FER1L6: variants seen among roughly 807,000 people sequenced by gnomAD.
The protein encoded by FER1L6 is fer-1-like protein 6.
A neutral mutation model predicts 219.2 loss-of-function variants in FER1L6; 177 were observed. The ratio of observed to expected loss-of-function variants is 0.81; its 90% CI spans 0.71 to 0.91. FER1L6 has a LOEUF of 0.91. Among genes scored for constraint, FER1L6 ranks in the 40% least tolerant of loss-of-function variants. FER1L6 has a pLI of 0.00. For missense variants in FER1L6, 2,153 were observed against 2,259.9 expected (o/e 0.95, Z 0.96); for synonymous variants, 768 against 824.3 (o/e 0.93, Z 1.17).
intron 1 of FER1L6, among the ~76,000 whole-genome samples, chr8:123,867,528 A>G (rs542517125): frequency 4.6e-5 from 7 of 152,326 alleles, no homozygotes; most frequent in African/African-American, 1.7e-4. Context: ...CTAGTACATT[A>G]TATCTGTGTG....
intron 12 of FER1L6, 102 bp from the exon 13 acceptor site, chr8:124,003,065 C>G (rs1371256680): frequency 2.1e-6 from 2 of 939,732 alleles, no homozygotes; most frequent in African/African-American, 3.3e-5. Flanking sequence ...TGGGAGCTTA[C>G]CTTATTGCTG....
intron 1 of FER1L6, among the ~76,000 whole-genome samples, chr8:123,906,023 A>C (rs1812946647): frequency 6.6e-6 from 1 of 152,164 alleles, no homozygotes; most frequent in South Asian, 2.1e-4. Context: ...CAGAGTCATG[A>C]AGACAGGCAG....
chr8:123,966,105 T>C (rs115826687), intron 4 of FER1L6, 44 bp downstream of exon 4: 2 of 1,613,664 alleles, frequency 1.2e-6, no homozygotes, highest in East Asian at 2.2e-5. Context: ...CAGTGCTTCC[T>C]GTGTGCATGG....
intron 34 of FER1L6, among the ~76,000 whole-genome samples, chr8:124,093,627 A>C (rs955734463): frequency 6.6e-6 from 1 of 152,094 alleles, no homozygotes; most frequent in Non-Finnish European, 1.5e-5. Context: ...AATATTCTAC[A>C]TGATTAAACA....
chr8:123,867,595 A>G lies in FER1L6; in HGVS notation c.-8+15410A>G, dbSNP rs141929785. Among the ~76,000 whole-genome samples, 5 of 152,322 alleles carry G rather than the reference A, an allele frequency of 3.3e-5. No individual in the cohort carries two copies. The South Asian group carries it at 6.2e-4, about 19-fold the overall frequency. On this transcript the variant is annotated intron_variant, in intron 1 of 40. Coordinates refer to ENST00000522917, the MANE Select transcript of FER1L6 (RefSeq NM_001039112.2). The stretch of plus-strand genomic sequence containing the variant: ...TTTCTTTATTTACAAAATGAGAACA[A>G]TCTCTTAGTACCTACCTTCTATGGT...
intron 1 of FER1L6, among the ~76,000 whole-genome samples, chr8:123,872,271 A>G (rs981585955): frequency 6.6e-6 from 1 of 152,228 alleles, no homozygotes; most frequent in Non-Finnish European, 1.5e-5. Flanking sequence ...TTACATTTCA[A>G]CATGAGATTT....
intron 12 of FER1L6, among the ~76,000 whole-genome samples, chr8:123,992,819 T>C (rs1430544222): frequency 1.3e-5 from 2 of 152,216 alleles, no homozygotes; most frequent in Admixed American, 6.5e-5. Flanking sequence ...TTGTGATCTA[T>C]CAGACTTTTT....
intron 25 of FER1L6, 28 bp downstream of exon 25, chr8:124,062,060 C>T (rs1324862164): frequency 6.2e-7 from 1 of 1,611,832 alleles, no homozygotes; most frequent in East Asian, 2.2e-5. Flanking sequence ...GATTTTGTAG[C>T]TGTAACTATA....
chr8:124,015,152 G>A (rs1417778640), intron 15 of FER1L6, among the ~76,000 whole-genome samples: 1 of 152,120 alleles, frequency 6.6e-6, no homozygotes, highest in East Asian at 1.9e-4. Flanking sequence ...CAAGACAGAA[G>A]TCAGAGTCTC....
chr8:124,052,677 C>A (rs908877153), intron 22 of FER1L6, among the ~76,000 whole-genome samples: 2 of 152,028 alleles, frequency 1.3e-5, no homozygotes, highest in Admixed American at 6.5e-5. Flanking sequence ...CCCAGCTACT[C>A]CGGAGGCTGA....
At chr8:124,010,503 T>C in intron 13 of FER1L6, 91 bp from the exon 14 acceptor site, 3 of 1,488,468 alleles carry the variant, frequency 2.0e-6, no homozygotes, top group Non-Finnish European at 2.7e-6. Context: ...TCCCGAGTCC[T>C]GCCCAGAACG....
At chr8:123,916,100 G>C (rs1249517985) in intron 1 of FER1L6, among the ~76,000 whole-genome samples, 1 of 152,090 alleles carries the variant, frequency 6.6e-6, no homozygotes, top group Non-Finnish European at 1.5e-5. Flanking sequence ...GAGGACCCAG[G>C]GTCAAAGCTG....
At chr8:123,958,543 C>T (rs188176765) in intron 2 of FER1L6, among the ~76,000 whole-genome samples, 7 of 152,026 alleles carry the variant, frequency 4.6e-5, no homozygotes, top group African/African-American at 1.2e-4. Context: ...TTGGCTGTTG[C>T]GAGCCCCAGA....
intron 16 of FER1L6, among the ~76,000 whole-genome samples, chr8:124,019,084 G>GT (rs1226095741): frequency 6.6e-6 from 1 of 151,966 alleles, no homozygotes; most frequent in Non-Finnish European, 1.5e-5. Context: ...GATCATTATT[G>GT]TTTAAAAAAA....
intron 22 of FER1L6, among the ~76,000 whole-genome samples, chr8:124,050,062 T>C (rs188543607): frequency 2.0e-5 from 3 of 152,316 alleles, no homozygotes; most frequent in Non-Finnish European, 1.5e-5. Flanking sequence ...CATGAAAGGA[T>C]ACAAAACAGA....
chr8:123,895,887 G>A (rs952722810), intron 1 of FER1L6, among the ~76,000 whole-genome samples: 1 of 152,210 alleles, frequency 6.6e-6, no homozygotes, highest in African/African-American at 2.4e-5. Flanking sequence ...TCTGTGCTGA[G>A]AAAATAGAGA....
rs1242143850 is a variant in FER1L6, at chr8:123,956,059, A to C, written c.61A>C (p.Asn21His). ...GGCAGAGAAGGGGTTAATCCTAGCC[A>C]ACAAGGCTGCGAAAGGTGAGGCTGG... is the stretch of plus-strand genomic sequence containing the variant. ...NKAEKGLILA[N>H]KAAKDSQGDT... Residue 21 changes from asparagine to histidine, a missense_variant, in exon 2 of 41, where the codon AAC (asparagine) becomes CAC (histidine). Coordinates refer to ENST00000522917, the MANE Select transcript of FER1L6 (RefSeq NM_001039112.2). 6.2e-7 allele frequency: 1 copy of C among 1,611,254 alleles called. No homozygotes were observed. Among genetic ancestry groups the C allele is most frequent in the South Asian group, 1.1e-5 (1 of 90,110 alleles).
chr8:123,893,539 T>C (rs1812687647), intron 1 of FER1L6, among the ~76,000 whole-genome samples: 1 of 152,224 alleles, frequency 6.6e-6, no homozygotes, highest in African/African-American at 2.4e-5. Flanking sequence ...GAGTCATATT[T>C]CTTTGTCTCT....
intron 2 of FER1L6, 100 bp from the exon 3 acceptor site, chr8:123,963,178 A>G (rs1586523208): frequency 6.7e-7 from 1 of 1,499,298 alleles, no homozygotes; most frequent in Non-Finnish European, 9.1e-7. Flanking sequence ...GTCTCTTTGT[A>G]CCACTTATGG....
Sources: gnomAD v4.1 joint callset for allele counts (sites outside exome capture counted in the v4.1 genomes callset) on GRCh38, gnomAD v4.1.1 for gene constraint, MANE v1.5 for transcripts, NCBI Gene and HGNC (gene_info 2026-07-23, HGNC 2026-07-21) for gene names.